The following CDK11A variants were observed in gnomAD, a reference collection of about 807,000 sequenced individuals.
The protein encoded by CDK11A is cyclin-dependent kinase 11A.
In CDK11A, 55 loss-of-function variants were observed where a neutral mutation model predicts 83.6. That is an observed-to-expected ratio of 0.66 (90% CI 0.53 to 0.82). The LOEUF is 0.82. CDK11A is among the 40% of genes least tolerant of loss of function. The pLI is 0.00. For synonymous variants in CDK11A, 247 were observed against 302.7 expected, an observed-to-expected ratio of 0.82 and a Z score of 1.91; for missense variants, 564 against 810.1, an observed-to-expected ratio of 0.70 and a Z score of 3.69.
chr1:1,704,334 C>T lies in CDK11A; in HGVS notation c.1575G>A (p.Lys525=). Reference sequence around the variant, plus strand: ...CCCGCAGCAGCTGGATCATCAGGGTCTTCACCTCCCCTGGGAGGGAGGGAG... The same window carrying T: ...CCCGCAGCAGCTGGATCATCAGGGTTTTCACCTCCCCTGGGAGGGAGGGAG... The part of the protein sequence containing the change: ...MKQPFLPGEV[K]TLMIQLLRGV... Residue 525 remains lysine, a synonymous_variant, in exon 15 of 20, where the codon AAG becomes AAA. Transcript: ENST00000404249. The T allele has an allele frequency of 6.2e-7, 1 of 1,607,308 alleles. No individual in the cohort carries two copies. The highest frequency in any genetic ancestry group is 8.5e-7 in the Non-Finnish European group (1 of 1,176,128).
In CDK11A at chr1:1,704,967, G is replaced by A; in HGVS notation, c.1395C>T (p.Ile465=). The change falls in exon 13 of 20, where the codon ATC becomes ATT. Residue 465 remains isoleucine, a synonymous_variant. Transcript: ENST00000404249. ...TGGTGTTGATCTCCCTCAGGGACGT[G>A]ATCGGGAAGCCCTCCTTCTCCTTCT... ...KMEKEKEGFP[I]TSLREINTIL... is the part of the protein sequence containing the mutation. 1 of 1,598,298 alleles carries A rather than the reference G, an allele frequency of 6.3e-7. No individual in the cohort carries two copies. Among genetic ancestry groups the A allele is most frequent in the Non-Finnish European group, 8.5e-7 (1 of 1,173,466 alleles).
chr1:1,722,559 C>G (rs1386557505), intron 2 of CDK11A, 149 bp downstream of exon 2: 11 of 293,800 alleles, frequency 3.7e-5, no homozygotes, highest in Non-Finnish European at 6.1e-5. Context: ...TTAATGTCAA[C>G]TGAATATTAG....
intron 2 of CDK11A, 49 bp from the exon 3 acceptor site, chr1:1,721,760 C>G: frequency 6.9e-7 from 1 of 1,452,308 alleles, no homozygotes; most frequent in Non-Finnish European, 9.4e-7. Flanking sequence ...GTTTTTTTTT[C>G]TTCATAGATA....
rs781514515 is a variant in CDK11A at position 1,715,947 on chromosome 1, G to A, written c.488+399C>T. Among the ~76,000 whole-genome samples the A allele has an allele frequency of 1.9e-3, 291 of 150,558 alleles. 10 individuals carry two copies. The highest frequency in any genetic ancestry group is 3.5e-3 in the Non-Finnish European group (239 of 67,470). On this transcript the variant is annotated intron_variant, in intron 5 of 19. Transcript: ENST00000404249. ...TTGGGATCTCCCTTCTCCTTTTTTT[G>A]AGACAGTCTCACTCTGTCAACCAGG...
intron 5 of CDK11A, among the ~76,000 whole-genome samples, chr1:1,713,453 G>T (rs991076944): frequency 3.2e-5 from 2 of 63,350 alleles, no homozygotes; most frequent in African/African-American, 3.5e-5. Context: ...TTCCCTTTTT[G>T]ATTTTAAATT....
chr1:1,704,855 G>A (rs746759466), intron 13 of CDK11A, 49 bp downstream of exon 13: 2 of 1,607,666 alleles, frequency 1.2e-6, no homozygotes, highest in African/African-American at 2.7e-5. Flanking sequence ...ACGGGGCCCT[G>A]TCGGAAAAGC....
Position 1,716,340 on chromosome 1 carries a change from A to G in CDK11A, c.488+6T>C. ...ATAAAGTCCTCAACTGACCCAGCCC[A>G]CTCACCTTTCTCTCCTGGAATGCTC... is the stretch of plus-strand genomic sequence containing the variant. On this transcript the variant is annotated splice_donor_region_variant and intron_variant, in intron 5 of 19. Coordinates refer to ENST00000404249, the MANE Select transcript of CDK11A (RefSeq NM_024011.4). 6.2e-7 allele frequency: 1 copy of G among 1,607,826 alleles called. No homozygotes were observed. The highest frequency in any genetic ancestry group is 8.5e-7 in the Non-Finnish European group (1 of 1,176,188).
rs777698249 is a variant in CDK11A at position 1,704,910 on chromosome 1, G to A, written c.1452C>T (p.Thr484=). 5.0e-6 allele frequency: 8 copies of A among 1,597,242 alleles called. 1 individual carries two copies. Among genetic ancestry groups the A allele is most frequent in the Non-Finnish European group, 4.3e-6 (5 of 1,172,862 alleles). ...GTGGTGGGGCCATGCTCACTCTAACGGTGACAATGTTGGGATGCTGGGCCT... is the reference window on the plus strand; with the variant it reads ...GTGGTGGGGCCATGCTCACTCTAACAGTGACAATGTTGGGATGCTGGGCCT... The part of the protein sequence containing the change: ...ILKAQHPNIV[T]VREIVVGSNM... Residue 484 remains threonine, a synonymous_variant, in exon 13 of 20, where the codon ACC becomes ACT. Transcript: ENST00000404249.
At chr1:1,718,666 GCT>G (rs1172898943) in intron 4 of CDK11A, among the ~76,000 whole-genome samples, 2 of 118,582 alleles carry the variant, frequency 1.7e-5, no homozygotes, top group Non-Finnish European at 3.5e-5. Context: ...ACGGAGTCTT[GCT>G]CTGTCGCCCA....
chr1:1,703,488 T>G lies in CDK11A; in HGVS notation c.2048A>C (p.Asp683Ala), dbSNP rs1644164161. 2 of 1,523,918 alleles carry G rather than the reference T, an allele frequency of 1.3e-6. No individual in the cohort carries two copies. The highest frequency in any genetic ancestry group is 1.7e-6 in the Non-Finnish European group (2 of 1,145,590). The allele number at this position is 1,523,918 out of a possible 1,614,324, so 94.4% of individuals were successfully genotyped here. A position where few individuals can be genotyped will look rare whatever the true frequency, so the allele number is the denominator to read the frequency against. ...GCACTGGGCTCACTTGTTCATGAGGTCGAAGCCCTGGTCTGAGAGCAGAGC... is the reference window on the plus strand; with the variant it reads ...GCACTGGGCTCACTTGTTCATGAGGGCGAAGCCCTGGTCTGAGAGCAGAGC... ...FGALLSDQGF[D>A]LMNKFLTYFP... The change falls in exon 18 of 20, where the codon GAC (aspartate) becomes GCC (alanine). Residue 683 changes from aspartate to alanine, a missense_variant. By Grantham distance (126) the Asp-to-Ala change is moderately radical (BLOSUM62 -2). This residue lies in a region of CDK11A where 361 missense variants were observed against 402.7 expected (regional missense o/e 0.90). Transcript: ENST00000404249.
chr1:1,720,343 C>T (rs1219014767), intron 3 of CDK11A, among the ~76,000 whole-genome samples: 5 of 148,824 alleles, frequency 3.4e-5, no homozygotes, highest in South Asian at 2.1e-4. Context: ...GTGATCTGCC[C>T]GCCTCAGCCT....
At chr1:1,710,559 C>T (rs1219658066) in intron 6 of CDK11A, among the ~76,000 whole-genome samples, 1 of 119,376 alleles carries the variant, frequency 8.4e-6, no homozygotes, top group Non-Finnish European at 1.9e-5. Flanking sequence ...ATTTTTTTGA[C>T]TAAGAAAAAC....
chr1:1,707,744 A>G (rs370707448), intron 10 of CDK11A, 160 bp from the exon 11 acceptor site: 65,272 of 732,680 alleles, frequency 0.089, 5,468 homozygotes, highest in African/African-American at 0.34. Context: ...CCGAGGCCTA[A>G]GAGTGCTGGC....
At chr1:1,719,203 T>G (rs78989514) in intron 4 of CDK11A, 125 bp downstream of exon 4, 3 of 861,080 alleles carry the variant, frequency 3.5e-6, no homozygotes, top group Non-Finnish European at 1.7e-6. Context: ...TGTGACACCA[T>G]TATGCTTTCA....
At position 1,703,594 on chromosome 1, in the gene CDK11A, G is replaced by A. The variant is rs865873922; in HGVS notation, c.1942C>T (p.Pro648Ser). The A allele has an allele frequency of 2.5e-6, 4 of 1,595,662 alleles. No individual in the cohort carries two copies. The highest frequency in any genetic ancestry group is 3.4e-5 in the Admixed American group (2 of 58,252). The change falls in exon 18 of 20, where the codon CCC becomes TCC. Residue 648 changes from proline to serine, a missense_variant. By Grantham distance (74) the Pro-to-Ser change is moderately conservative (BLOSUM62 -1). This residue lies in a region of CDK11A where 361 missense variants were observed against 402.7 expected (regional missense o/e 0.90). Coordinates refer to ENST00000404249, the MANE Select transcript of CDK11A (RefSeq NM_024011.4). ...ACTACTGGGAGCTCACTGTAGCCGGGCCAGATTTTCTCACTGGGGGTCCCC... is the reference window on the plus strand; with the variant it reads ...ACTACTGGGAGCTCACTGTAGCCGGACCAGATTTTCTCACTGGGGGTCCCC... ...ELGTPSEKIW[P>S]GYSELPVVKK...
intron 5 of CDK11A, among the ~76,000 whole-genome samples, chr1:1,716,093 C>T (rs1006496436): frequency 6.6e-6 from 1 of 150,644 alleles, no homozygotes; most frequent in Non-Finnish European, 1.5e-5. Flanking sequence ...CCCGGCGGGA[C>T]GTGCAGATTT....
intron 9 of CDK11A, among the ~76,000 whole-genome samples, chr1:1,708,592 G>A (rs1185041311): frequency 7.5e-6 from 1 of 133,512 alleles, no homozygotes; most frequent in Non-Finnish European, 1.7e-5. Context: ...AGTGAGCCGA[G>A]ATCATGCCAC....
In CDK11A at chr1:1,704,237, C is replaced by T. The variant is rs375112331; in HGVS notation, c.1672G>A (p.Ala558Thr). 21 of 1,608,346 alleles carry T rather than the reference C, an allele frequency of 1.3e-5. 1 individual carries two copies. Among genetic ancestry groups the T allele is most frequent in the East Asian group, 4.5e-5 (2 of 44,788 alleles). ...LKTSNLLLSH[A>T]GILKVGDFGL... ...GGGGGGCTCACCTTGAGGATGCCGGCGTGGCTCAGCAGCAGGTTGGACGTC... is the reference window on the plus strand; with the variant it reads ...GGGGGGCTCACCTTGAGGATGCCGGTGTGGCTCAGCAGCAGGTTGGACGTC... Residue 558 changes from alanine (A) to threonine (T), a missense_variant, in exon 15 of 20, where the codon GCC (alanine) becomes ACC (threonine). By Grantham distance (58) the Ala-to-Thr change is moderately conservative (BLOSUM62 0). Around this residue, in one of 5 missense-constraint regions of CDK11A, gnomAD observed 361 missense variants for 402.7 expected, o/e 0.90. Transcript: ENST00000404249.
rs1644527857 is a variant in CDK11A, at chr1:1,712,901, ATG to A, written c.489-503_489-502del. Among the ~76,000 whole-genome samples the A allele has an allele frequency of 7.0e-5, 3 of 42,962 alleles. 1 individual carries two copies. The highest frequency in any genetic ancestry group is 1.2e-4 in the African/African-American group (3 of 25,188). 28.2% of individuals were successfully genotyped at this position (42,962 alleles called of 152,430 possible). ...CATGGATTTTGGGCTCTGTGGTTAG[ATG>A]CATTCACATGTATCATTGCTGTATC... On this transcript the variant is annotated intron_variant, in intron 5 of 19. Transcript: ENST00000404249.
Sources: allele counts gnomAD v4.1 joint callset (sites outside exome capture counted in the v4.1 genomes callset), GRCh38; gene constraint gnomAD v4.1.1; regional missense constraint gnomAD v4.1.1; transcripts MANE v1.5; gene names NCBI Gene and HGNC (gene_info 2026-07-23, HGNC 2026-07-21).